CAPN5: variants seen among roughly 807,000 people sequenced by gnomAD.
The protein encoded by CAPN5 is calpain-5.
In CAPN5, 54 loss-of-function variants were observed where a neutral mutation model predicts 73.0. That is an observed-to-expected ratio of 0.74 (90% CI 0.59 to 0.93). CAPN5 has a LOEUF of 0.93. Among genes scored for constraint, CAPN5 ranks in the 40% least tolerant of loss-of-function variants. The pLI, the probability that CAPN5 is intolerant of heterozygous loss-of-function variation, is 0.00. For synonymous variants in CAPN5, 335 were observed against 356.9 expected (o/e 0.94, Z 0.69); for missense variants, 785 against 882.9 (o/e 0.89, Z 1.41).
At chr11:77,088,630 G>A (rs1555036004) in intron 2 of CAPN5, among the ~76,000 whole-genome samples, 1 of 152,124 alleles carries the variant, frequency 6.6e-6, no homozygotes, top group East Asian at 1.9e-4. Flanking sequence ...CCACTGTCTA[G>A]TTCATTCATT....
At chr11:77,118,844 C>T (rs1950494315) in intron 8 of CAPN5, among the ~76,000 whole-genome samples, 186 bp from the exon 9 acceptor site, 1 of 152,212 alleles carries the variant, frequency 6.6e-6, no homozygotes, top group South Asian at 2.1e-4. Flanking sequence ...CATTGAGTTT[C>T]CCCAGCCTTC....
intron 1 of CAPN5, among the ~76,000 whole-genome samples, chr11:77,079,102 C>T (rs1361813180): frequency 1.3e-5 from 2 of 152,016 alleles, no homozygotes; most frequent in South Asian, 2.1e-4. Context: ...ATAAATCTTA[C>T]TTGATCATGG....
At chr11:77,071,853 C>T (rs1389816341) in intron 1 of CAPN5, among the ~76,000 whole-genome samples, 3 of 152,194 alleles carry the variant, frequency 2.0e-5, no homozygotes, top group East Asian at 3.8e-4. Context: ...CATGGTCTGC[C>T]ATTGCAGGAG....
intron 3 of CAPN5, among the ~76,000 whole-genome samples, chr11:77,096,085 C>T (rs554208525): frequency 6.6e-6 from 1 of 152,100 alleles, no homozygotes; most frequent in Non-Finnish European, 1.5e-5. Flanking sequence ...TTGTTGTCAC[C>T]CCTCACTTTC....
intron 4 of CAPN5, among the ~76,000 whole-genome samples, chr11:77,113,403 A>G (rs1300885672): frequency 6.6e-6 from 1 of 152,168 alleles, no homozygotes; most frequent in Non-Finnish European, 1.5e-5. Flanking sequence ...TGACTCGCGC[A>G]GGCCGTTGCA....
chr11:77,091,008 G>T (rs573196797), intron 2 of CAPN5, among the ~76,000 whole-genome samples: 2 of 152,222 alleles, frequency 1.3e-5, no homozygotes, highest in African/African-American at 4.8e-5. Flanking sequence ...CGCCGTGCAG[G>T]TTGGCCGTGG....
Position 77,125,944 on chromosome 11 carries a change from G to A in CAPN5, c.*2074G>A, listed in dbSNP as rs1555043808. ...CTCTGGTCCCCAGGAGACCTTGGGG[G>A]CCAGGCAGGTAAGGATCAGGGGTGA... On this transcript the variant is annotated 3_prime_UTR_variant, in exon 13 of 13. Coordinates refer to ENST00000648180, the MANE Select transcript of CAPN5 (RefSeq NM_004055.5). 1 of 152,396 alleles carries A rather than the reference G, an allele frequency of 6.6e-6. No individual in the cohort carries two copies. The highest frequency in any genetic ancestry group is 1.9e-4 in the East Asian group (1 of 5,186). 9.4% of individuals were successfully genotyped at this position (152,396 alleles called of 1,614,324 possible). A position where few individuals can be genotyped will look rare whatever the true frequency, so the allele number is the denominator to read the frequency against.
At chr11:77,099,980 G>T (rs1301754058) in intron 3 of CAPN5, among the ~76,000 whole-genome samples, 1 of 152,078 alleles carries the variant, frequency 6.6e-6, no homozygotes, top group African/African-American at 2.4e-5. Context: ...GGGATTACAG[G>T]CGCCTGCCAC....
At chr11:77,092,607 C>T (rs915205861) in intron 2 of CAPN5, among the ~76,000 whole-genome samples, 1 of 152,274 alleles carries the variant, frequency 6.6e-6, no homozygotes, top group Non-Finnish European at 1.5e-5. Flanking sequence ...CCCGGGTCAG[C>T]GGCTGCCCTG....
intron 1 of CAPN5, among the ~76,000 whole-genome samples, chr11:77,083,272 T>A (rs1167584328): frequency 6.6e-6 from 1 of 152,174 alleles, no homozygotes; most frequent in Non-Finnish European, 1.5e-5. Flanking sequence ...AATGGCCCCC[T>A]TGCCCTCCCT....
In CAPN5 at chr11:77,112,589, G is replaced by A. The variant is rs1270855709; in HGVS notation, c.298G>A (p.Val100Ile). 2 of 1,613,010 alleles carry A rather than the reference G, an allele frequency of 1.2e-6. No individual in the cohort carries two copies. Among genetic ancestry groups the A allele is most frequent in the East Asian group, 2.2e-5 (1 of 44,868 alleles). Reference protein sequence around the residue: ...LASRESLWQKVIPDWKEQEWD... With the variant: ...LASRESLWQKIIPDWKEQEWD... The stretch of plus-strand genomic sequence containing the variant: ...TCCTATCCCCCCTCCCCCTACCCAG[G>A]TCATCCCAGACTGGAAGGAGCAGGA... The change falls in exon 4 of 13, where the codon GTC (valine) becomes ATC (isoleucine). Residue 100 changes from valine (V) to isoleucine (I), a missense_variant and splice_region_variant. Val to Ile is a conservative substitution (Grantham distance 29, BLOSUM62 3). Coordinates refer to ENST00000648180, the MANE Select transcript of CAPN5 (RefSeq NM_004055.5).
intron 8 of CAPN5, 40 bp from the exon 9 acceptor site, chr11:77,118,989 CT>C: frequency 6.3e-7 from 1 of 1,581,560 alleles, no homozygotes; most frequent in Non-Finnish European, 8.6e-7. Flanking sequence ...CTGGTGTGGT[CT>C]CATTGCAGTG....
At chr11:77,118,089 G>A in intron 7 of CAPN5, 68 bp from the exon 8 acceptor site, 1 of 1,438,296 alleles carries the variant, frequency 7.0e-7, no homozygotes, top group Non-Finnish European at 9.6e-7. Context: ...TTAGGTTGTT[G>A]GGCTGGGGGG....
At chr11:77,107,759 A>C (rs1950366880) in intron 3 of CAPN5, among the ~76,000 whole-genome samples, 1 of 152,190 alleles carries the variant, frequency 6.6e-6, no homozygotes, top group Non-Finnish European at 1.5e-5. Flanking sequence ...CCTTGCTGCC[A>C]GGTCAGCCCA....
intron 1 of CAPN5, among the ~76,000 whole-genome samples, chr11:77,080,972 T>A (rs1169023358): frequency 1.3e-5 from 2 of 152,190 alleles, no homozygotes; most frequent in Non-Finnish European, 2.9e-5. Flanking sequence ...ACTCAGAACT[T>A]CCACTCTTGG....
chr11:77,069,329 C>G (rs951326454), intron 1 of CAPN5, among the ~76,000 whole-genome samples: 5 of 152,172 alleles, frequency 3.3e-5, no homozygotes. Context: ...CTAATAGCAG[C>G]TGGCAATCAG....
intron 3 of CAPN5, among the ~76,000 whole-genome samples, chr11:77,105,876 C>T (rs1030802544): frequency 6.6e-6 from 1 of 152,226 alleles, no homozygotes; most frequent in Non-Finnish European, 1.5e-5. Context: ...ACAGGGACAA[C>T]TGAGGCCCAG....
chr11:77,122,669 G>C lies in CAPN5; in HGVS notation c.1697G>C (p.Gly566Ala). Reference sequence around the variant, plus strand: ...TCCACACCAGAGTACAATGTGAAAGGCATCTTCTACCGCAAGAAGCTGAGC... The same window carrying C: ...TCCACACCAGAGTACAATGTGAAAGCCATCTTCTACCGCAAGAAGCTGAGC... ...GTSTPEYNVK[G>A]IFYRKKLSQP... is the part of the protein sequence containing the mutation. Residue 566 changes from glycine to alanine, a missense_variant, in exon 12 of 13, where the codon GGC becomes GCC. Physicochemically the swap from Gly to Ala is moderately conservative, Grantham distance 60. Transcript: ENST00000648180. The C allele has an allele frequency of 1.2e-6, 2 of 1,613,940 alleles. No homozygotes were observed. Among genetic ancestry groups the C allele is most frequent in the Non-Finnish European group, 1.7e-6 (2 of 1,179,964 alleles).
intron 2 of CAPN5, among the ~76,000 whole-genome samples, chr11:77,089,881 A>C (rs551710044): frequency 5.2e-4 from 79 of 152,264 alleles, no homozygotes; most frequent in African/African-American, 1.9e-3. Context: ...TCTAAAAAAA[A>C]CAAACAAAAA....
Sources: allele counts gnomAD v4.1 joint callset (sites outside exome capture counted in the v4.1 genomes callset), GRCh38; gene constraint gnomAD v4.1.1; transcripts MANE v1.5; gene names NCBI Gene and HGNC (gene_info 2026-07-23, HGNC 2026-07-21).